Variants in KCNMA1 observed in about 807,000 individuals in gnomAD.
The protein encoded by KCNMA1 is potassium calcium-activated channel subfamily M alpha 1, also known as Calcium-activated potassium channel subunit alpha-1.
In KCNMA1, 29 loss-of-function variants were observed where a neutral mutation model predicts 140.0. The ratio of observed to expected loss-of-function variants is 0.21; its 90% CI spans 0.15 to 0.28. The LOEUF is 0.28. Among genes scored for constraint, KCNMA1 ranks in the 10% least tolerant of loss-of-function variants. KCNMA1 has a pLI of 1.00. For synonymous variants in KCNMA1, 612 were observed against 611.9 expected (o/e 1.00, Z 0.00); for missense variants, 880 against 1,602.2 (o/e 0.55, Z 7.70).
At chr10:77,503,161 G>C (rs531474624) in intron 1 of KCNMA1, among the ~76,000 whole-genome samples, 1 of 152,306 alleles carries the variant, frequency 6.6e-6, no homozygotes, top group Admixed American at 6.5e-5. Flanking sequence ...AGAGCTTTTT[G>C]GGTTAAAATG....
At chr10:77,550,599 G>A (rs777788637) in intron 1 of KCNMA1, among the ~76,000 whole-genome samples, 1 of 152,200 alleles carries the variant, frequency 6.6e-6, no homozygotes, top group African/African-American at 2.4e-5. Flanking sequence ...TTCTGGAGCA[G>A]GCGTCTCGGC....
At chr10:77,244,101 T>A (rs1204867299) in intron 3 of KCNMA1, among the ~76,000 whole-genome samples, 1 of 152,192 alleles carries the variant, frequency 6.6e-6, no homozygotes, top group African/African-American at 2.4e-5. Context: ...ATGTCTTTGT[T>A]CATTTCTGTA....
intron 11 of KCNMA1, 22 bp from the exon 12 acceptor site, chr10:77,084,741 T>C (rs1256720049): frequency 3.2e-6 from 5 of 1,555,030 alleles, no homozygotes; most frequent in Non-Finnish European, 4.4e-6. Flanking sequence ...AAAGGAAAAT[T>C]CACAGAACAC....
rs570285964 is a variant in KCNMA1, at chr10:77,024,925, C to T, written c.1928+2898G>A. Among the ~76,000 whole-genome samples the T allele has an allele frequency of 2.6e-5, 4 of 151,920 alleles. No individual in the cohort carries two copies. The South Asian group carries it at 6.2e-4, about 24-fold the overall frequency. On this transcript the variant is annotated intron_variant, in intron 16 of 27. Transcript: ENST00000286628. ...AATTCTGCTCTATAGACAAGAAACTCGACACAGGGAGGAGGAGGTCACTGG... is the reference window on the plus strand; with the variant it reads ...AATTCTGCTCTATAGACAAGAAACTTGACACAGGGAGGAGGAGGTCACTGG...
intron 3 of KCNMA1, among the ~76,000 whole-genome samples, chr10:77,205,829 GTC>G (rs1245468656): frequency 1.3e-5 from 2 of 152,144 alleles, no homozygotes; most frequent in African/African-American, 4.8e-5. Context: ...CTTTTTAAAA[GTC>G]TATGAAATTG....
At chr10:76,919,475 T>A (rs2054409733) in intron 23 of KCNMA1, among the ~76,000 whole-genome samples, 1 of 152,230 alleles carries the variant, frequency 6.6e-6, no homozygotes, top group African/African-American at 2.4e-5. Flanking sequence ...CTTTATCCTA[T>A]GACAGATATT....
chr10:77,439,087 A>AAAGAAAAGAGAAGAG (rs2097328237), intron 1 of KCNMA1, among the ~76,000 whole-genome samples: 1 of 124,848 alleles, frequency 8.0e-6, no homozygotes, highest in Non-Finnish European at 1.7e-5. Flanking sequence ...AAAGAAAAGA[A>AAAGAAAAGAGAAGAG]AAGAGAAGAG....
rs1018944240 is a variant in KCNMA1, at chr10:77,424,357, C to T, written c.379-20334G>A. Among the ~76,000 whole-genome samples the T allele has an allele frequency of 2.0e-5, 3 of 152,270 alleles. No homozygotes were observed. In the East Asian group the frequency reaches 5.8e-4, roughly 29 times the overall value. On this transcript the variant is annotated intron_variant, in intron 1 of 27. Transcript: ENST00000286628. ...TCCTTACAACTATTTATAGCACTGC[C>T]CCCATATGGCAAATGAAGGCTCAGA... is the stretch of plus-strand genomic sequence containing the variant.
intron 2 of KCNMA1, among the ~76,000 whole-genome samples, chr10:77,326,476 G>A (rs529826981): frequency 3.9e-5 from 6 of 152,006 alleles, no homozygotes; most frequent in Non-Finnish European, 7.3e-5. Flanking sequence ...CTGGCACACA[G>A]TAAGTGCTGA....
chr10:77,014,706 G>A (rs1210296695), intron 17 of KCNMA1, among the ~76,000 whole-genome samples: 1 of 152,128 alleles, frequency 6.6e-6, no homozygotes, highest in Non-Finnish European at 1.5e-5. Flanking sequence ...TAAGCATAAT[G>A]TCCTCCAAGG....
At chr10:77,502,444 C>A (rs1672275590) in intron 1 of KCNMA1, among the ~76,000 whole-genome samples, 1 of 152,130 alleles carries the variant, frequency 6.6e-6, no homozygotes, top group African/African-American at 2.4e-5. Flanking sequence ...TGTTTCAGAG[C>A]CCTCTCCTCC....
At position 76,969,578 on chromosome 10, in the gene KCNMA1, T is replaced by G. The variant is rs989686675; in HGVS notation, c.2360+396A>C. 2.6e-5 allele frequency among the ~76,000 whole-genome samples: 4 copies of G among 152,108 alleles called. No individual in the cohort carries two copies. The East Asian group carries it at 5.8e-4, about 22-fold the overall frequency. On this transcript the variant is annotated intron_variant, in intron 20 of 27. Coordinates refer to ENST00000286628, the MANE Select transcript of KCNMA1 (RefSeq NM_001161352.2). ...ATATGGCCTTAAGTACAGAAAACAG[T>G]CCTCGGAGGGACTCCAGCAGAAAGA...
intron 10 of KCNMA1, 38 bp downstream of exon 10, chr10:77,090,362 G>A: frequency 1.5e-6 from 2 of 1,333,862 alleles, no homozygotes; most frequent in Non-Finnish European, 2.2e-6. Context: ...AGGGTGTGTG[G>A]TTGGGCAGAG....
chr10:77,061,064 C>A (rs1203640986), intron 14 of KCNMA1, among the ~76,000 whole-genome samples: 1 of 152,098 alleles, frequency 6.6e-6, no homozygotes, highest in Non-Finnish European at 1.5e-5. Context: ...TAATTTATTG[C>A]AGTAGCCATA....
intron 2 of KCNMA1, among the ~76,000 whole-genome samples, chr10:77,378,016 T>C (rs1327057091): frequency 6.6e-6 from 1 of 152,220 alleles, no homozygotes; most frequent in African/African-American, 2.4e-5. Context: ...ATTCTAGGGA[T>C]ACAAAGACAG....
At chr10:77,237,905 C>G (rs2056083395) in intron 3 of KCNMA1, among the ~76,000 whole-genome samples, 1 of 152,190 alleles carries the variant, frequency 6.6e-6, no homozygotes, top group African/African-American at 2.4e-5. Context: ...GCTCTGTGAC[C>G]TTCTACCCGA....
At chr10:77,111,996 T>C (rs1337200498) in intron 7 of KCNMA1, among the ~76,000 whole-genome samples, 1 of 152,232 alleles carries the variant, frequency 6.6e-6, no homozygotes, top group African/African-American at 2.4e-5. Context: ...TGTTGTTTAC[T>C]AGGAGGTGTG....
chr10:77,114,468 C>T (rs2097402442), intron 6 of KCNMA1, among the ~76,000 whole-genome samples: 2 of 152,224 alleles, frequency 1.3e-5, no homozygotes, highest in Non-Finnish European at 2.9e-5. Context: ...AAACTCTCTC[C>T]TTCCATTGTC....
chr10:76,911,687 A>C (rs1028747537), intron 24 of KCNMA1: 1 of 152,184 alleles, frequency 6.6e-6, no homozygotes, highest in African/African-American at 2.4e-5. Flanking sequence ...CCATTATAGC[A>C]TGAAAATACC....
Sources: gnomAD v4.1 joint callset for allele counts (sites outside exome capture counted in the v4.1 genomes callset) on GRCh38, gnomAD v4.1.1 for gene constraint, MANE v1.5 for transcripts, NCBI Gene and HGNC (gene_info 2026-07-23, HGNC 2026-07-21) for gene names.